RBM6: variants seen among roughly 807,000 people sequenced by gnomAD.
RBM6 encodes RNA-binding protein 6.
In RBM6, 23 loss-of-function variants were observed where a neutral mutation model predicts 140.4. That is an observed-to-expected ratio of 0.16 (90% confidence interval 0.12 to 0.23). The LOEUF (loss-of-function observed/expected upper bound fraction) is 0.23. RBM6 is among the 10% of genes least tolerant of loss of function. RBM6 has a pLI of 1.00. For missense variants in RBM6, 1,139 were observed against 1,386.7 expected (o/e 0.82, Z 2.84); for synonymous variants, 439 against 475.6 (o/e 0.92, Z 1.00).
rs1349085099 is a variant in RBM6 at position 50,011,006 on chromosome 3, C to G, written c.1557+11493C>G. 2.6e-5 allele frequency among the ~76,000 whole-genome samples: 4 copies of G among 151,420 alleles called. No individual in the cohort carries two copies. In the South Asian group the frequency reaches 8.4e-4, roughly 32 times the overall value. The stretch of plus-strand genomic sequence containing the variant: ...ATTCATTTACCACCCTCCACCCTAC[C>G]CCAACCCCCCAAAAAGATTGTCTAT... On this transcript the variant is annotated intron_variant, in intron 6 of 20. Coordinates refer to ENST00000266022, the MANE Select transcript of RBM6 (RefSeq NM_005777.3).
At chr3:50,073,056 C>T (rs528283751) in intron 19 of RBM6, among the ~76,000 whole-genome samples, 40 of 152,280 alleles carry the variant, frequency 2.6e-4, no homozygotes, top group African/African-American at 8.9e-4. Flanking sequence ...TGGCCTCAAC[C>T]ACCACCACAG....
intron 1 of RBM6, among the ~76,000 whole-genome samples, chr3:49,944,042 A>G (rs890259499): frequency 1.3e-5 from 2 of 152,162 alleles, no homozygotes; most frequent in South Asian, 2.1e-4. Flanking sequence ...TAAGTGTGCT[A>G]CTTAGTAGTA....
chr3:50,032,482 C>CAAAA (rs10648927), intron 6 of RBM6, among the ~76,000 whole-genome samples: 3 of 58,370 alleles, frequency 5.1e-5, no homozygotes, highest in African/African-American at 1.8e-4. Flanking sequence ...GACTCCATCT[C>CAAAA]AAAAAAAAAA....
intron 1 of RBM6, among the ~76,000 whole-genome samples, chr3:49,956,687 C>T (rs944285829): frequency 2.0e-5 from 3 of 149,064 alleles, no homozygotes; most frequent in Non-Finnish European, 3.0e-5. Flanking sequence ...TTTTTTGAGA[C>T]GGAGTTTCGT....
chr3:49,954,439 C>CA (rs529547115), intron 1 of RBM6, among the ~76,000 whole-genome samples: 660 of 80,136 alleles, frequency 8.2e-3, no homozygotes, highest in African/African-American at 0.015. Context: ...GACTCCATCT[C>CA]AAAAAAAAAA....
At chr3:50,044,656 A>G (rs1347483184) in intron 6 of RBM6, among the ~76,000 whole-genome samples, 2 of 152,004 alleles carry the variant, frequency 1.3e-5, no homozygotes, top group African/African-American at 2.4e-5. Context: ...CTAACTCCCT[A>G]CAGGATACTT....
intron 6 of RBM6, among the ~76,000 whole-genome samples, chr3:50,015,409 T>A (rs1429158389): frequency 6.8e-6 from 1 of 147,064 alleles, no homozygotes; most frequent in Non-Finnish European, 1.5e-5. Flanking sequence ...CCTGGCAAAA[T>A]TTTTATTTTA....
At chr3:50,034,519 T>C (rs1352721252) in intron 6 of RBM6, among the ~76,000 whole-genome samples, 1 of 152,016 alleles carries the variant, frequency 6.6e-6, no homozygotes, top group Non-Finnish European at 1.5e-5. Flanking sequence ...CCCAGCACTT[T>C]GGGAGGCCAA....
chr3:49,990,712 CTGCCTGGAGGACAAG>C (rs2108705315), intron 5 of RBM6, among the ~76,000 whole-genome samples: 1 of 152,190 alleles, frequency 6.6e-6, no homozygotes, highest in Non-Finnish European at 1.5e-5. Flanking sequence ...TTTAAAATGG[CTGCCTGGAGGACAAG>C]TGCTATAAGG....
intron 18 of RBM6, among the ~76,000 whole-genome samples, chr3:50,069,611 G>A (rs1329587041): frequency 1.3e-5 from 2 of 151,650 alleles, no homozygotes; most frequent in Admixed American, 6.6e-5. Flanking sequence ...AATTGCTTGA[G>A]CCCAAGAGTT....
chr3:50,011,707 A>C (rs1486346528), intron 6 of RBM6, among the ~76,000 whole-genome samples: 1 of 152,156 alleles, frequency 6.6e-6, no homozygotes, highest in Non-Finnish European at 1.5e-5. Context: ...TAAGGGGGAA[A>C]ACATTATTGA....
intron 1 of RBM6, among the ~76,000 whole-genome samples, chr3:49,953,220 T>TA (rs1190275039): frequency 3.2e-5 from 4 of 124,548 alleles, no homozygotes; most frequent in Admixed American, 7.9e-5. Flanking sequence ...CACACCTTGC[T>TA]AATTTTTTTT....
At chr3:50,000,007 G>A (rs1442313061) in intron 6 of RBM6, among the ~76,000 whole-genome samples, 1 of 152,214 alleles carries the variant, frequency 6.6e-6, no homozygotes, top group Non-Finnish European at 1.5e-5. Context: ...GAAGAGAGAG[G>A]AGTGGATTGT....
At chr3:49,953,926 G>A (rs2083853024) in intron 1 of RBM6, among the ~76,000 whole-genome samples, 1 of 152,040 alleles carries the variant, frequency 6.6e-6, no homozygotes, top group African/African-American at 2.4e-5. Context: ...TGAATCAGGA[G>A]TTTGAGACCA....
chr3:50,042,431 A>G (rs1230215320), intron 6 of RBM6, among the ~76,000 whole-genome samples: 1 of 152,176 alleles, frequency 6.6e-6, no homozygotes, highest in Non-Finnish European at 1.5e-5. Context: ...TGTACCTCCC[A>G]GTATTTTAAG....
intron 6 of RBM6, among the ~76,000 whole-genome samples, chr3:50,025,695 GAATAT>G (rs2087772145): frequency 6.7e-6 from 1 of 149,934 alleles, no homozygotes; most frequent in Non-Finnish European, 1.5e-5. Context: ...AAAGTGTTGG[GAATAT>G]AGGCGTGAGC....
At chr3:49,963,701 T>C (rs1445529708) in intron 2 of RBM6, among the ~76,000 whole-genome samples, 1 of 152,208 alleles carries the variant, frequency 6.6e-6, no homozygotes, top group African/African-American at 2.4e-5. Flanking sequence ...GAATTAATTT[T>C]TTTATAGCTA....
intron 10 of RBM6, 131 bp from the exon 11 acceptor site, chr3:50,059,518 C>G (rs2089852545): frequency 1.5e-6 from 1 of 663,304 alleles, no homozygotes; most frequent in East Asian, 3.0e-5. Flanking sequence ...AAAATTTTGA[C>G]AGAATATAAT....
At position 50,057,280 on chromosome 3, in the gene RBM6, C is replaced by G. The variant is rs180789638; in HGVS notation, c.1694-448C>G. ...TCAGAGGACTTTTTATTAGATATTT[C>G]TGAGATAATATTAAAAGCATTCCAG... On this transcript the variant is annotated intron_variant, in intron 8 of 20. Coordinates refer to ENST00000266022, the MANE Select transcript of RBM6 (RefSeq NM_005777.3). 1.7e-3 allele frequency among the ~76,000 whole-genome samples: 255 copies of G among 152,112 alleles called. 3 individuals are homozygous for G. Among genetic ancestry groups the G allele is most frequent in the Non-Finnish European group, 2.6e-3 (179 of 67,984 alleles).
Sources: gnomAD v4.1 joint callset for allele counts (sites outside exome capture counted in the v4.1 genomes callset) on GRCh38, gnomAD v4.1.1 for gene constraint, MANE v1.5 for transcripts, NCBI Gene and HGNC (gene_info 2026-07-23, HGNC 2026-07-21) for gene names.